The following EBPL variants were observed in gnomAD, a reference collection of about 807,000 sequenced individuals.
The protein encoded by EBPL is EBP like.
Under a neutral mutation model 19.0 loss-of-function variants are expected in EBPL, and 20 were observed. The ratio of observed to expected loss-of-function variants is 1.05; its 90% CI spans 0.74 to 1.53. The LOEUF (loss-of-function observed/expected upper bound fraction) is 1.53. Among genes scored for constraint, EBPL ranks in the 40% most tolerant of loss-of-function variants. The probability of loss-of-function intolerance (pLI) is 0.00; values close to 1 mark genes in which losing one functional copy is unlikely to be tolerated. For synonymous variants in EBPL, 107 were observed against 117.0 expected, an observed-to-expected ratio of 0.91 and a Z score of 0.55; for missense variants, 219 against 261.1, an observed-to-expected ratio of 0.84 and a Z score of 1.11.
rs191281772 is a variant in EBPL, at chr13:49,690,468, T to C, written c.171+786A>G. ...ACTTGGGCATAGTTTAAAAAAAACT[T>C]AAAAGTGTGTGTGTGTGTGTGCGTG... On this transcript the variant is annotated intron_variant, in intron 1 of 3. Transcript: ENST00000242827. Among the ~76,000 whole-genome samples the C allele has an allele frequency of 1.9e-3, 281 of 146,764 alleles. 1 individual carries two copies. Among genetic ancestry groups the C allele is most frequent in the Non-Finnish European group, 3.0e-3 (200 of 66,540 alleles).
chr13:49,666,482 G>A (rs1371486043), intron 2 of EBPL, among the ~76,000 whole-genome samples: 5 of 152,064 alleles, frequency 3.3e-5, no homozygotes, highest in Admixed American at 1.3e-4. Context: ...AGGCCGAGGC[G>A]GGTGGATCAG....
intron 2 of EBPL, among the ~76,000 whole-genome samples, chr13:49,666,626 G>A (rs1466775456): frequency 6.7e-6 from 1 of 149,402 alleles, no homozygotes; most frequent in Non-Finnish European, 1.5e-5. Flanking sequence ...GCAGGAGAAT[G>A]GCATGAACCC....
intron 1 of EBPL, among the ~76,000 whole-genome samples, chr13:49,680,462 G>A (rs554011948): frequency 6.6e-6 from 1 of 152,330 alleles, no homozygotes; most frequent in East Asian, 1.9e-4. Flanking sequence ...ACTTGAAAAT[G>A]CTGAATCTGC....
intron 2 of EBPL, among the ~76,000 whole-genome samples, chr13:49,667,670 AAATAC>A (rs1305635064): frequency 2.6e-5 from 4 of 152,184 alleles, no homozygotes; most frequent in Non-Finnish European, 2.9e-5. Flanking sequence ...TGGTTTTTAG[AAATAC>A]GGTCTTACTG....
chr13:49,662,232 G>C (rs9535285), intron 3 of EBPL, among the ~76,000 whole-genome samples: 38,052 of 152,034 alleles, frequency 0.25, 4,945 homozygotes, highest in Non-Finnish European at 0.28. Flanking sequence ...TTCTGATCTC[G>C]TGATCCACCT....
chr13:49,677,406 G>C (rs1566318676), intron 1 of EBPL, among the ~76,000 whole-genome samples: 2 of 152,204 alleles, frequency 1.3e-5, no homozygotes, highest in Admixed American at 6.5e-5. Flanking sequence ...AGTTCCAAGT[G>C]ACATCTCTGA....
intron 3 of EBPL, chr13:49,661,635 G>C: frequency 3.0e-6 from 2 of 661,152 alleles, no homozygotes; most frequent in Non-Finnish European, 3.7e-6. Flanking sequence ...CCAAGCGATG[G>C]GCAAGTAAAA....
chr13:49,672,440 G>C (rs1953827644), intron 1 of EBPL, among the ~76,000 whole-genome samples: 1 of 152,152 alleles, frequency 6.6e-6, no homozygotes, highest in Non-Finnish European at 1.5e-5. Context: ...TTGCTCACTT[G>C]TCTCTTCCCA....
intron 2 of EBPL, among the ~76,000 whole-genome samples, chr13:49,669,130 C>T (rs1045304969): frequency 8.5e-5 from 13 of 152,192 alleles, no homozygotes; most frequent in African/African-American, 3.1e-4. Flanking sequence ...CTACCTGCCT[C>T]AGCCTCCCAA....
chr13:49,690,322 G>A (rs1160671308), intron 1 of EBPL, among the ~76,000 whole-genome samples: 3 of 150,420 alleles, frequency 2.0e-5, no homozygotes, highest in Non-Finnish European at 2.9e-5. Flanking sequence ...TACAGAACTC[G>A]ATGATTACCC....
At chr13:49,674,889 T>C (rs1139051) in intron 1 of EBPL, among the ~76,000 whole-genome samples, 28,039 of 152,186 alleles carry the variant, frequency 0.18, 3,242 homozygotes, top group Non-Finnish European at 0.26. Context: ...ACATTAACAA[T>C]GTGTGCAACC....
intron 2 of EBPL, among the ~76,000 whole-genome samples, chr13:49,667,633 T>C (rs1965247076): frequency 6.6e-6 from 1 of 152,224 alleles, no homozygotes. Context: ...AAAGGACACC[T>C]TCAATAAATG....
intron 1 of EBPL, among the ~76,000 whole-genome samples, chr13:49,686,857 G>A (rs536499784): frequency 2.0e-5 from 3 of 152,152 alleles, no homozygotes; most frequent in African/African-American, 4.8e-5. Flanking sequence ...GTGCAGTGGC[G>A]TAATCATATC....
intron 3 of EBPL, chr13:49,662,043 G>C (rs1188339960): frequency 2.1e-6 from 2 of 956,142 alleles, no homozygotes; most frequent in African/African-American, 1.6e-5. Flanking sequence ...ACCTAGGCTG[G>C]AGTGCAGTGG....
At chr13:49,666,428 C>T (rs1045970432) in intron 2 of EBPL, among the ~76,000 whole-genome samples, 1 of 151,870 alleles carries the variant, frequency 6.6e-6, no homozygotes, top group East Asian at 1.9e-4. Context: ...TACTGAATCC[C>T]AGCCAGGGAG....
At chr13:49,674,682 A>G (rs1953857484) in intron 1 of EBPL, among the ~76,000 whole-genome samples, 1 of 151,910 alleles carries the variant, frequency 6.6e-6, no homozygotes, top group Non-Finnish European at 1.5e-5. Flanking sequence ...GTTGGATAAC[A>G]ATGACTTCCA....
At chr13:49,663,298 G>T in intron 2 of EBPL, 103 bp from the exon 3 acceptor site, 3 of 1,417,236 alleles carry the variant, frequency 2.1e-6, no homozygotes, top group Non-Finnish European at 2.9e-6. Context: ...ATGAGTAATC[G>T]CCACTCTCTC....
intron 1 of EBPL, among the ~76,000 whole-genome samples, chr13:49,684,729 A>G (rs1448034116): frequency 6.6e-6 from 1 of 152,222 alleles, no homozygotes; most frequent in Non-Finnish European, 1.5e-5. Context: ...AGCAATGAAA[A>G]TATAAAATGT....
chr13:49,671,828 G>T lies in EBPL; in HGVS notation c.172-1982C>A, dbSNP rs796095467. Among the ~76,000 whole-genome samples, 6 of 152,228 alleles carry T rather than the reference G, an allele frequency of 3.9e-5. No individual in the cohort carries two copies. In the South Asian group the frequency reaches 6.2e-4, roughly 16 times the overall value. ...AGTAAGATGTGGAGTCTGACACCAG[G>T]TTGCAGACCTTTCCACAGAAGCAAC... is the stretch of plus-strand genomic sequence containing the variant. On this transcript the variant is annotated intron_variant, in intron 1 of 3. Transcript: ENST00000242827.
Sources: gnomAD v4.1 joint callset for allele counts (sites outside exome capture counted in the v4.1 genomes callset) on GRCh38, gnomAD v4.1.1 for gene constraint, MANE v1.5 for transcripts, NCBI Gene and HGNC (gene_info 2026-07-23, HGNC 2026-07-21) for gene names.